RGS6: variants seen among roughly 807,000 people sequenced by gnomAD.
RGS6 encodes the protein regulator of G-protein signaling 6.
A neutral mutation model predicts 78.5 loss-of-function variants in RGS6; 30 were observed. The ratio of observed to expected loss-of-function variants is 0.38; its 90% CI spans 0.29 to 0.52. RGS6 has a LOEUF of 0.52. RGS6 is among the 20% of genes least tolerant of loss of function. The pLI, the probability that RGS6 is intolerant of heterozygous loss-of-function variation, is 0.85. For synonymous variants in RGS6, 206 were observed against 206.0 expected, an observed-to-expected ratio of 1.00 and a Z score of 0.00; for missense variants, 495 against 609.7, an observed-to-expected ratio of 0.81 and a Z score of 1.98.
the RGS6 span, among the ~76,000 whole-genome samples, chr14:72,575,208 A>G: frequency 6.6e-6 from 1 of 152,102 alleles, no homozygotes; most frequent in Non-Finnish European, 1.5e-5. Flanking sequence ...ATTGTGAAGT[A>G]TCTGGGGTGT....
At chr14:72,478,482 A>G (rs548740959) in intron 12 of RGS6, among the ~76,000 whole-genome samples, 153 bp downstream of exon 12, 43 of 152,312 alleles carry the variant, frequency 2.8e-4, no homozygotes, top group African/African-American at 1.0e-3. Flanking sequence ...GCTCCATGTG[A>G]GTATAACTAA....
At chr14:72,474,833 T>C (rs1355099833) in intron 10 of RGS6, 134 bp downstream of exon 10, 4 of 767,762 alleles carry the variant, frequency 5.2e-6, no homozygotes, top group Non-Finnish European at 8.5e-6. Context: ...TTCACAAATA[T>C]TGATTGAGCA....
the RGS6 span, among the ~76,000 whole-genome samples, chr14:71,881,314 G>C: frequency 3.9e-5 from 6 of 152,270 alleles, no homozygotes; most frequent in African/African-American, 1.2e-4. Context: ...TTAAGACTTT[G>C]GGGGACTGTT....
chr14:72,338,715 A>G (rs1225345779), intron 2 of RGS6, among the ~76,000 whole-genome samples: 2 of 152,244 alleles, frequency 1.3e-5, no homozygotes, highest in African/African-American at 2.4e-5. Context: ...CGTTGGTGAT[A>G]CCTGCTTGGA....
chr14:72,235,723 A>G (rs2050840949), intron 2 of RGS6, among the ~76,000 whole-genome samples: 1 of 152,232 alleles, frequency 6.6e-6, no homozygotes, highest in Non-Finnish European at 1.5e-5. Flanking sequence ...ACAATGTGCT[A>G]GTTGATAACA....
intron 3 of RGS6, among the ~76,000 whole-genome samples, chr14:72,427,679 G>A (rs1044887379): frequency 3.9e-5 from 6 of 152,048 alleles, no homozygotes; most frequent in African/African-American, 1.2e-4. Context: ...TTGGCACCTG[G>A]ATCACAACCT....
chr14:72,415,432 G>T lies in RGS6; in HGVS notation c.185-39096G>T, dbSNP rs374187638. Among the ~76,000 whole-genome samples, 5 of 152,350 alleles carry T rather than the reference G, an allele frequency of 3.3e-5. No individual in the cohort carries two copies. In the East Asian group the frequency reaches 9.6e-4, roughly 29 times the overall value. On this transcript the variant is annotated intron_variant, in intron 3 of 17. Coordinates refer to ENST00000553525, the MANE Select transcript of RGS6 (RefSeq NM_001204424.2). ...GAAGTGACCCAATTTTCTGGGTTCC[G>T]TCTGTCACCCCTTTCTTTGACTAGG... is the stretch of plus-strand genomic sequence containing the variant.
chr14:71,884,385 G>T, the RGS6 span, among the ~76,000 whole-genome samples: 196 of 152,366 alleles, frequency 1.3e-3, no homozygotes, highest in African/African-American at 4.4e-3. Context: ...TCAAGAGCTT[G>T]TCAGTGGAGT....
rs553728208 is a variant in RGS6, at chr14:72,466,124, A to G, written c.459+302A>G. On this transcript the variant is annotated intron_variant, in intron 7 of 17. Coordinates refer to ENST00000553525, the MANE Select transcript of RGS6 (RefSeq NM_001204424.2). ...GGACACAAGGATGATAAATAAACCC[A>G]TGAAAAGATGTCCAATATTATTAGC... is the stretch of plus-strand genomic sequence containing the variant. Among the ~76,000 whole-genome samples the G allele has an allele frequency of 3.0e-4, 45 of 152,370 alleles. 1 individual carries two copies. Among genetic ancestry groups the G allele is most frequent in the South Asian group, 6.2e-4 (3 of 4,832 alleles).
the RGS6 span, among the ~76,000 whole-genome samples, chr14:71,924,143 C>T: frequency 1.3e-5 from 2 of 152,012 alleles, no homozygotes; most frequent in African/African-American, 4.8e-5. Context: ...CTCCTGGGCT[C>T]AGGTGATTCT....
In RGS6 at chr14:72,566,436, CTTTAG is replaced by C. The variant is rs988508534; in HGVS notation, c.*3974_*3978del. 7 of 152,208 alleles carry C rather than the reference CTTTAG, an allele frequency of 4.6e-5. No homozygotes were observed. The highest frequency in any genetic ancestry group is 1.4e-4 in the African/African-American group (6 of 41,446). 9.4% of individuals were successfully genotyped at this position (152,208 alleles called of 1,614,324 possible). A position where few individuals can be genotyped will look rare whatever the true frequency, so the allele number is the denominator to read the frequency against. The stretch of plus-strand genomic sequence containing the variant: ...GCCTCCTCTTAGTGCATGTGGTTCT[CTTTAG>C]TTTATTTTTCTGGAATTTGGGGATT... On this transcript the variant is annotated 3_prime_UTR_variant, in exon 18 of 18. Coordinates refer to ENST00000553525, the MANE Select transcript of RGS6 (RefSeq NM_001204424.2).
chr14:71,898,842 A>G, the RGS6 span, among the ~76,000 whole-genome samples: 5,537 of 152,154 alleles, frequency 0.036, 348 homozygotes, highest in African/African-American at 0.13. Flanking sequence ...AGGGACATGA[A>G]CTCAATTCTT....
In RGS6 at chr14:72,465,759, C is replaced by T. The variant is rs2095893970; in HGVS notation, c.396C>T (p.Ala132=). The change falls in exon 7 of 18, where the codon GCC becomes GCT. Residue 132 remains alanine (A), a splice_region_variant and synonymous_variant. Transcript: ENST00000553525. ...NCWEPENTDY[A]IYLCKRTMQN... Reference sequence around the variant, plus strand: ...TTGTCATTTCCTTTCTTCCCTCAGCCATCTATCTCTGTAAGAGGACAATGC... The same window carrying T: ...TTGTCATTTCCTTTCTTCCCTCAGCTATCTATCTCTGTAAGAGGACAATGC... 1 of 1,612,110 alleles carries T rather than the reference C, an allele frequency of 6.2e-7. No homozygotes were observed. The highest frequency in any genetic ancestry group is 1.3e-5 in the African/African-American group (1 of 74,786).
chr14:72,315,185 G>A (rs2069783846), intron 2 of RGS6, among the ~76,000 whole-genome samples: 1 of 152,196 alleles, frequency 6.6e-6, no homozygotes, highest in Non-Finnish European at 1.5e-5. Flanking sequence ...AGCCAAGAAG[G>A]AATTTCTCCA....
In RGS6 at chr14:72,134,526, A is replaced by T. The variant is rs559443609; in HGVS notation, c.84+169651A>T. Among the ~76,000 whole-genome samples the T allele has an allele frequency of 1.6e-3, 239 of 152,360 alleles. 1 individual carries two copies. The highest frequency in any genetic ancestry group is 3.4e-3 in the Middle Eastern group (1 of 294). ...ATTAATTAGGTCCTTGGGCACAAAA[A>T]TGGAGGCAGGCATGTGCCATTTAAC... On this transcript the variant is annotated intron_variant, in intron 2 of 17. Transcript: ENST00000553525.
chr14:72,051,909 C>T (rs912939327), intron 2 of RGS6, among the ~76,000 whole-genome samples: 1 of 152,084 alleles, frequency 6.6e-6, no homozygotes, highest in Admixed American at 6.5e-5. Context: ...TCCTGCAACC[C>T]TAATCTCCTT....
At chr14:72,057,395 T>G (rs1159040205) in intron 2 of RGS6, among the ~76,000 whole-genome samples, 1 of 151,120 alleles carries the variant, frequency 6.6e-6, no homozygotes. Flanking sequence ...GTCAAGGGTG[T>G]ATTCCAGTTT....
At chr14:72,082,642 T>C (rs1176982301) in intron 2 of RGS6, among the ~76,000 whole-genome samples, 6 of 151,394 alleles carry the variant, frequency 4.0e-5, no homozygotes, top group Admixed American at 2.6e-4. Context: ...TACATATATA[T>C]AGTTAGTTAT....
At chr14:72,203,491 A>C (rs2042033840) in intron 2 of RGS6, among the ~76,000 whole-genome samples, 1 of 152,192 alleles carries the variant, frequency 6.6e-6, no homozygotes, top group Non-Finnish European at 1.5e-5. Context: ...AGTCATCTCA[A>C]AGCTTGGCCA....
Sources: allele counts gnomAD v4.1 joint callset (sites outside exome capture counted in the v4.1 genomes callset), GRCh38; gene constraint gnomAD v4.1.1; transcripts MANE v1.5; gene names NCBI Gene and HGNC (gene_info 2026-07-23, HGNC 2026-07-21).